Variants in MYOM3 observed in about 807,000 individuals in gnomAD.
MYOM3 encodes the protein myomesin 3, also known as myomesin-3.
In MYOM3, 155 loss-of-function variants were observed where a neutral mutation model predicts 191.7. The observed-to-expected ratio is 0.81, with a 90% CI of 0.71 to 0.92. MYOM3 has a LOEUF of 0.92. Among genes scored for constraint, MYOM3 ranks in the 40% least tolerant of loss-of-function variants. The pLI is 0.00. For missense variants in MYOM3, 1,889 were observed against 1,890.6 expected (o/e 1.00, Z 0.02); for synonymous variants, 757 against 762.9 (o/e 0.99, Z 0.13).
At chr1:24,089,464 G>A (rs1195243530) in intron 14 of MYOM3, 74 bp downstream of exon 14, 41 of 1,494,740 alleles carry the variant, frequency 2.7e-5, no homozygotes, top group Non-Finnish European at 3.5e-5. Context: ...GCCTCCCCAG[G>A]GGACACTGCC....
intron 27 of MYOM3, 126 bp downstream of exon 27, chr1:24,067,844 G>T: frequency 1.1e-6 from 1 of 884,286 alleles, no homozygotes; most frequent in Non-Finnish European, 1.9e-6. Context: ...GGACAGAACT[G>T]GACTGAATGA....
Position 24,092,225 on chromosome 1 carries a change from G to A in MYOM3, c.1181C>T (p.Ala394Val), listed in dbSNP as rs910313782. 6.9e-7 allele frequency: 1 copy of A among 1,445,598 alleles called. No homozygotes were observed. Among genetic ancestry groups the A allele is most frequent in the Non-Finnish European group, 9.2e-7 (1 of 1,091,340 alleles). 89.5% of individuals were successfully genotyped at this position (1,445,598 alleles called of 1,614,324 possible). The part of the protein sequence containing the change: ...VNRDCLILTW[A>V]PPSDTRGNPI... ...GTTGCCCCGGGTGTCACTGGGCGGG[G>A]CCCAAGTCAGGATGAGGCAGTCTCT... The change falls in exon 11 of 37, where the codon GCC becomes GTC. Residue 394 changes from alanine (A) to valine (V), a missense_variant. Coordinates refer to ENST00000374434, the MANE Select transcript of MYOM3 (RefSeq NM_152372.4).
At chr1:24,094,224 T>C (rs1030284724) in intron 9 of MYOM3, among the ~76,000 whole-genome samples, 40 of 146,590 alleles carry the variant, frequency 2.7e-4, no homozygotes, top group African/African-American at 9.5e-4. Flanking sequence ...CAGGCTGGAG[T>C]GCAATGGTGC....
chr1:24,095,535 TC>T, intron 7 of MYOM3, 49 bp from the exon 8 acceptor site: 2 of 1,551,278 alleles, frequency 1.3e-6, no homozygotes, highest in Non-Finnish European at 1.8e-6. Context: ...GAGCCCACAT[TC>T]CTATGCTATT....
intron 2 of MYOM3, 70 bp from the exon 3 acceptor site, chr1:24,108,143 C>T: frequency 7.0e-7 from 1 of 1,421,364 alleles, no homozygotes; most frequent in Non-Finnish European, 9.8e-7. Flanking sequence ...ATTAGGGCTG[C>T]ATCTGCCCAC....
At chr1:24,104,712 C>G (rs967694910) in intron 5 of MYOM3, among the ~76,000 whole-genome samples, 1 of 152,174 alleles carries the variant, frequency 6.6e-6, no homozygotes, top group Non-Finnish European at 1.5e-5. Flanking sequence ...ACATGCCCAG[C>G]TAATTTTTAA....
chr1:24,075,200 G>T (rs1022766858), intron 22 of MYOM3, 119 bp downstream of exon 22: 3 of 965,196 alleles, frequency 3.1e-6, no homozygotes, highest in Non-Finnish European at 4.7e-6. Flanking sequence ...AGACTGAGCA[G>T]CGCCTTTCAA....
rs910789056 is a variant in MYOM3, at chr1:24,092,288, G to A, written c.1118C>T (p.Pro373Leu). 5.1e-6 allele frequency: 7 copies of A among 1,361,572 alleles called. No individual in the cohort carries two copies. In the South Asian group the frequency reaches 8.4e-5, roughly 16 times the overall value. 84.3% of individuals were successfully genotyped at this position (1,361,572 alleles called of 1,614,324 possible). Residue 373 changes from proline (P) to leucine (L), a missense_variant, in exon 11 of 37, where the codon CCA (proline) becomes CTA (leucine). Pro to Leu is a moderately conservative substitution (Grantham distance 98). Coordinates refer to ENST00000374434, the MANE Select transcript of MYOM3 (RefSeq NM_152372.4). ...RDAEAENPGA[P>L]GSPLNVRCLD... ...GCATCGGACGTTCAGTGGGGAGCCT[G>A]GGGCCCCGGGGTTCTCGGCCTCGGC... is the stretch of plus-strand genomic sequence containing the variant.
At chr1:24,107,364 C>A in intron 3 of MYOM3, 132 bp from the exon 4 acceptor site, 1 of 771,004 alleles carries the variant, frequency 1.3e-6, no homozygotes, top group African/African-American at 1.8e-5. Flanking sequence ...GATTTTGCAT[C>A]TTCCCTTGCC....
intron 25 of MYOM3, among the ~76,000 whole-genome samples, chr1:24,069,092 A>C (rs148272505): frequency 3.6e-4 from 55 of 152,292 alleles, no homozygotes; most frequent in African/African-American, 1.3e-3. Flanking sequence ...TGGAAAAAAA[A>C]ATACTCGTGT....
In MYOM3 at chr1:24,086,649, G is replaced by A. The variant is rs758030227; in HGVS notation, c.1793C>T (p.Pro598Leu). 1.4e-5 allele frequency: 23 copies of A among 1,613,330 alleles called. No homozygotes were observed. The highest frequency in any genetic ancestry group is 4.0e-5 in the African/African-American group (3 of 74,920). Residue 598 changes from proline to leucine, a missense_variant, in exon 15 of 37, where the codon CCG (proline) becomes CTG (leucine). Physicochemically the swap from Pro to Leu is moderately conservative, Grantham distance 98 (BLOSUM62 -3). Coordinates refer to ENST00000374434, the MANE Select transcript of MYOM3 (RefSeq NM_152372.4). Reference sequence around the variant, plus strand: ...CCCCGGCATCAGGAGGGTACCTGGCGGGCCCCGCAAGGCGATGGGTTCGCT... The same window carrying A: ...CCCCGGCATCAGGAGGGTACCTGGCAGGCCCCGCAAGGCGATGGGTTCGCT... ...EPSEPIALRG[P>L]PATLPPPAQV...
chr1:24,091,143 G>A (rs1643818550), intron 11 of MYOM3, 147 bp from the exon 12 acceptor site: 2 of 957,408 alleles, frequency 2.1e-6, no homozygotes, highest in Non-Finnish European at 3.0e-6. Flanking sequence ...GGAAGAGCCT[G>A]GCTCCAACCT....
intron 25 of MYOM3, 56 bp downstream of exon 25, chr1:24,071,061 G>T (rs762599645): frequency 2.5e-6 from 4 of 1,591,358 alleles, no homozygotes; most frequent in Non-Finnish European, 3.4e-6. Flanking sequence ...ACCATCCCGC[G>T]AGGCCACCTC....
rs1250254869 is a variant in MYOM3 at position 24,087,681 on chromosome 1, C to T, written c.1615-854G>A. On this transcript the variant is annotated intron_variant, in intron 14 of 36. Transcript: ENST00000374434. The surrounding 1 kb of genome is among the most constrained non-coding windows in gnomAD (Gnocchi z 4.5). The stretch of plus-strand genomic sequence containing the variant: ...TCCCAGCCACTCCATCTAAAAATGT[C>T]AGCAGCTCCTCTCCCCACACTTCAA... Among the ~76,000 whole-genome samples the T allele has an allele frequency of 6.6e-6, 1 of 152,160 alleles. No individual in the cohort carries two copies. The highest frequency in any genetic ancestry group is 1.5e-5 in the Non-Finnish European group (1 of 68,028).
intron 7 of MYOM3, 115 bp from the exon 8 acceptor site, chr1:24,095,601 C>T: frequency 2.3e-6 from 2 of 855,056 alleles, no homozygotes; most frequent in Non-Finnish European, 3.6e-6. Flanking sequence ...GGTGGCTTCC[C>T]CTTGTGGCTT....
Position 24,080,208 on chromosome 1 carries a change from G to C in MYOM3, c.2408-14C>G, listed in dbSNP as rs781042527. 10 of 1,587,868 alleles carry C rather than the reference G, an allele frequency of 6.3e-6. No individual in the cohort carries two copies. Among genetic ancestry groups the C allele is most frequent in the Non-Finnish European group, 8.6e-6 (10 of 1,165,032 alleles). On this transcript the variant is annotated splice_polypyrimidine_tract_variant and intron_variant, in intron 19 of 36. Coordinates refer to ENST00000374434, the MANE Select transcript of MYOM3 (RefSeq NM_152372.4). ...CGTACGGGGGGCCTGTGACAAGTGA[G>C]AGATGGGAAGAGATGTGTGAGTTGG...
intron 5 of MYOM3, among the ~76,000 whole-genome samples, chr1:24,101,796 G>A (rs1393412943): frequency 2.0e-5 from 3 of 152,188 alleles, no homozygotes; most frequent in Non-Finnish European, 4.4e-5. Flanking sequence ...TGATTCCCAA[G>A]GGTAGTCAAG....
chr1:24,074,339 C>T, intron 22 of MYOM3, 70 bp from the exon 23 acceptor site: 2 of 1,184,100 alleles, frequency 1.7e-6, no homozygotes, highest in Non-Finnish European at 2.4e-6. Flanking sequence ...GCCTGGGAGC[C>T]AGGGAGTCCA....
rs1196558108 is a variant in MYOM3 at position 24,063,863 on chromosome 1, G to A, written c.3622+209C>T. 1.3e-5 allele frequency among the ~76,000 whole-genome samples: 2 copies of A among 152,096 alleles called. No individual in the cohort carries two copies. Among genetic ancestry groups the A allele is most frequent in the South Asian group, 4.1e-4 (2 of 4,832 alleles). ...GGTCTCCAAGCCTGGGCTCACTGTG[G>A]TATACTGTGGTGAACGAGGGCATCG... On this transcript the variant is annotated intron_variant, in intron 30 of 36. Coordinates refer to ENST00000374434, the MANE Select transcript of MYOM3 (RefSeq NM_152372.4). This position sits in a 1 kb window ranked among gnomAD's most constrained non-coding sequence, Gnocchi z 4.5.
Sources: gnomAD v4.1 joint callset for allele counts (sites outside exome capture counted in the v4.1 genomes callset) on GRCh38, gnomAD v4.1.1 for gene constraint, Gnocchi (gnomAD v3.1) non-coding constraint, MANE v1.5 for transcripts, NCBI Gene and HGNC (gene_info 2026-07-23, HGNC 2026-07-21) for gene names.